ACTL6A: variants seen among roughly 807,000 people sequenced by gnomAD.
ACTL6A encodes actin like 6A.
Under a neutral mutation model 59.2 loss-of-function variants are expected in ACTL6A, and 5 were observed. That is an observed-to-expected ratio of 0.08 (90% CI 0.04 to 0.18). The LOEUF is 0.18. Ranked by LOEUF, ACTL6A falls within the 10% of genes least tolerant of loss-of-function variation. The pLI is 1.00. For missense variants in ACTL6A, 285 were observed against 526.9 expected, an observed-to-expected ratio of 0.54 and a Z score of 4.49; for synonymous variants, 154 against 171.8, an observed-to-expected ratio of 0.90 and a Z score of 0.81.
At chr3:179,577,336 C>A (rs1373632423) in intron 8 of ACTL6A, among the ~76,000 whole-genome samples, 1 of 152,088 alleles carries the variant, frequency 6.6e-6, no homozygotes, top group African/African-American at 2.4e-5. Flanking sequence ...CATCAGTCAG[C>A]AATATCAAAA....
At chr3:179,566,877 G>A (rs1046595393) in intron 1 of ACTL6A, among the ~76,000 whole-genome samples, 3 of 152,074 alleles carry the variant, frequency 2.0e-5, no homozygotes, top group Non-Finnish European at 2.9e-5. Flanking sequence ...TTTGGGTAGA[G>A]TTGGGGTTTC....
chr3:179,587,238 A>C (rs1162606816), intron 13 of ACTL6A, among the ~76,000 whole-genome samples: 1 of 151,982 alleles, frequency 6.6e-6, no homozygotes, highest in Non-Finnish European at 1.5e-5. Context: ...GTTTATATAC[A>C]TATATATGTA....
In ACTL6A at chr3:179,583,455, T is replaced by C; in HGVS notation, c.1122+7T>C. 6.3e-7 allele frequency: 1 copy of C among 1,597,158 alleles called. No individual in the cohort carries two copies. The highest frequency in any genetic ancestry group is 1.3e-5 in the African/African-American group (1 of 74,624). Reference sequence around the variant, plus strand: ...GTCTCAGAAAACTCCTCCAGTAAGTTCTGTTTGTTCTTTAATGGTATTCTT... The same window carrying C: ...GTCTCAGAAAACTCCTCCAGTAAGTCCTGTTTGTTCTTTAATGGTATTCTT... On this transcript the variant is annotated splice_region_variant and intron_variant, in intron 12 of 13. Coordinates refer to ENST00000429709, the MANE Select transcript of ACTL6A (RefSeq NM_004301.5).
intron 5 of ACTL6A, among the ~76,000 whole-genome samples, chr3:179,576,004 C>G (rs1307800127): frequency 1.3e-5 from 2 of 152,164 alleles, no homozygotes; most frequent in African/African-American, 4.8e-5. Context: ...TGCCTGATAC[C>G]TCCATTCTGG....
At chr3:179,586,486 A>AT in intron 12 of ACTL6A, 60 bp from the exon 13 acceptor site, 3 of 1,210,698 alleles carry the variant, frequency 2.5e-6, no homozygotes, top group South Asian at 1.6e-5. Flanking sequence ...AAAAAAAAAA[A>AT]GAATTTTCTA....
chr3:179,576,440 T>TA, intron 6 of ACTL6A, 129 bp downstream of exon 6: 1 of 815,924 alleles, frequency 1.2e-6, no homozygotes. Flanking sequence ...TTAAGTATGT[T>TA]AAAAATCTTT....
intron 12 of ACTL6A, among the ~76,000 whole-genome samples, chr3:179,586,215 T>A (rs1442087475): frequency 1.3e-5 from 2 of 152,234 alleles, no homozygotes; most frequent in African/African-American, 4.8e-5. Context: ...ATAATCAAAG[T>A]ACTTTTAAAA....
chr3:179,572,792 G>A (rs1434421656), intron 3 of ACTL6A, among the ~76,000 whole-genome samples: 1 of 152,006 alleles, frequency 6.6e-6, no homozygotes, highest in Non-Finnish European at 1.5e-5. Flanking sequence ...GGGACAGAAC[G>A]AGACTCCATC....
At chr3:179,580,032 T>C (rs995863549) in intron 8 of ACTL6A, among the ~76,000 whole-genome samples, 1 of 152,148 alleles carries the variant, frequency 6.6e-6, no homozygotes, top group African/African-American at 2.4e-5. Context: ...CTCGGCCTCT[T>C]AAAGTGCTGA....
intron 5 of ACTL6A, among the ~76,000 whole-genome samples, chr3:179,575,864 G>T (rs1449478381): frequency 2.0e-5 from 3 of 152,266 alleles, no homozygotes; most frequent in Middle Eastern, 3.4e-3. Context: ...CCAAGTTTCT[G>T]TATATTTTGT....
intron 8 of ACTL6A, among the ~76,000 whole-genome samples, chr3:179,579,183 T>C (rs536453601): frequency 1.3e-5 from 2 of 152,316 alleles, no homozygotes; most frequent in South Asian, 4.1e-4. Context: ...CATGTATGTT[T>C]TCTTTTGAAG....
intron 12 of ACTL6A, 38 bp downstream of exon 12, chr3:179,583,486 A>C (rs562973497): frequency 4.4e-5 from 67 of 1,507,344 alleles, no homozygotes; most frequent in Non-Finnish European, 6.1e-5. Flanking sequence ...TTCTTCAGTC[A>C]TATATTTCCT....
At chr3:179,579,455 T>TATACATAC (rs1553778005) in intron 8 of ACTL6A, among the ~76,000 whole-genome samples, 1 of 145,054 alleles carries the variant, frequency 6.9e-6, no homozygotes, top group Non-Finnish European at 1.5e-5. Context: ...TTATATCATA[T>TATACATAC]ACACACACAC....
At chr3:179,574,685 T>G (rs1323732904) in intron 5 of ACTL6A, 1 of 410,670 alleles carries the variant, frequency 2.4e-6, no homozygotes, top group African/African-American at 2.0e-5. Context: ...AAATTCTGAG[T>G]GTTAAGACGT....
chr3:179,566,222 A>T (rs1242043298), intron 1 of ACTL6A, among the ~76,000 whole-genome samples: 3 of 152,146 alleles, frequency 2.0e-5, no homozygotes, highest in African/African-American at 7.2e-5. Flanking sequence ...ATGGATGTAG[A>T]CACTGGTTAG....
chr3:179,587,518 A>G (rs1293804050), intron 13 of ACTL6A, among the ~76,000 whole-genome samples: 2 of 152,186 alleles, frequency 1.3e-5, no homozygotes, highest in Non-Finnish European at 2.9e-5. Context: ...ATAATCGAGT[A>G]CTATTTTGGG....
At position 179,563,271 on chromosome 3, in the gene ACTL6A, GC is replaced by G; in HGVS notation, c.25+159del. 5.6e-6 allele frequency: 7 copies of G among 1,244,004 alleles called. No individual in the cohort carries two copies. The South Asian group carries it at 9.2e-5, about 16-fold the overall frequency. 77.1% of individuals were successfully genotyped at this position (1,244,004 alleles called of 1,614,324 possible). The stretch of plus-strand genomic sequence containing the variant: ...CCCGTCCCCGCCCCACGCTCTGCCC[GC>G]CCCCGGAGCCCACCCGGCTCGCCGT... On this transcript the variant is annotated intron_variant, in intron 1 of 13. Coordinates refer to ENST00000429709, the MANE Select transcript of ACTL6A (RefSeq NM_004301.5).
intron 8 of ACTL6A, among the ~76,000 whole-genome samples, chr3:179,579,798 ATAAAG>A: frequency 6.6e-6 from 1 of 152,116 alleles, no homozygotes; most frequent in Non-Finnish European, 1.5e-5. Flanking sequence ...CAAAAAATAA[ATAAAG>A]ACAGGGTCTC....
Position 179,570,384 on chromosome 3 carries a change from C to A in ACTL6A, c.277+143C>A. 1 of 723,876 alleles carries A rather than the reference C, an allele frequency of 1.4e-6. No homozygotes were observed. Among genetic ancestry groups the A allele is most frequent in the Non-Finnish European group, 2.1e-6 (1 of 467,352 alleles). The allele number at this position is 723,876 out of a possible 1,614,324, so 44.8% of individuals were successfully genotyped here. A position where few individuals can be genotyped will look rare whatever the true frequency, so the allele number is the denominator to read the frequency against. ...TATTCCACAAACTGATTTCCAGACA[C>A]TGAGAATACAAAGATGCATAAGAAA... On this transcript the variant is annotated intron_variant, in intron 3 of 13. Transcript: ENST00000429709. The surrounding 1 kb of genome is among the most constrained non-coding windows in gnomAD (Gnocchi z 4.3).
Sources: gnomAD v4.1 joint callset for allele counts (sites outside exome capture counted in the v4.1 genomes callset) on GRCh38, gnomAD v4.1.1 for gene constraint, Gnocchi (gnomAD v3.1) non-coding constraint, MANE v1.5 for transcripts, NCBI Gene and HGNC (gene_info 2026-07-23, HGNC 2026-07-21) for gene names.